Variants in SEPTIN7 observed in about 807,000 individuals in gnomAD.
SEPTIN7 encodes septin 7.
In SEPTIN7, 10 loss-of-function variants were observed where a neutral mutation model predicts 63.3. The ratio of observed to expected loss-of-function variants is 0.16; its 90% CI spans 0.10 to 0.27. The LOEUF (loss-of-function observed/expected upper bound fraction) is 0.27. Ranked by LOEUF, SEPTIN7 falls within the 10% of genes least tolerant of loss-of-function variation. SEPTIN7 has a pLI of 1.00. For missense variants in SEPTIN7, 310 were observed against 521.0 expected (o/e 0.59, Z 3.94); for synonymous variants, 131 against 165.3 (o/e 0.79, Z 1.59).
At chr7:35,835,379 T>C (rs6950063) in intron 3 of SEPTIN7, among the ~76,000 whole-genome samples, 2,146 of 152,330 alleles carry the variant, frequency 0.014, 57 homozygotes, top group African/African-American at 0.048. Context: ...TTCAGTACTT[T>C]ATGGGCATTA....
intron 7 of SEPTIN7, among the ~76,000 whole-genome samples, chr7:35,880,413 T>C (rs1192420119): frequency 6.6e-6 from 1 of 151,854 alleles, no homozygotes; most frequent in Non-Finnish European, 1.5e-5. Flanking sequence ...TTATTTTTAT[T>C]TTGAAAACTT....
intron 4 of SEPTIN7, among the ~76,000 whole-genome samples, chr7:35,869,032 T>A (rs962426958): frequency 2.0e-5 from 3 of 152,066 alleles, no homozygotes; most frequent in African/African-American, 7.2e-5. Context: ...GCAGGGAAAT[T>A]CTTGTTGAGG....
At chr7:35,834,044 A>G (rs142836045) in intron 3 of SEPTIN7, among the ~76,000 whole-genome samples, 58 of 152,122 alleles carry the variant, frequency 3.8e-4, no homozygotes, top group African/African-American at 1.2e-3. Flanking sequence ...CTAGCTTGCA[A>G]ACTGCTGCTG....
chr7:35,813,198 T>G (rs1239782456), intron 1 of SEPTIN7, among the ~76,000 whole-genome samples: 1 of 152,204 alleles, frequency 6.6e-6, no homozygotes, highest in Non-Finnish European at 1.5e-5. Context: ...CTTACCCGCC[T>G]GAACACAAAT....
At chr7:35,914,815 A>T in the SEPTIN7 span, among the ~76,000 whole-genome samples, 5 of 151,788 alleles carry the variant, frequency 3.3e-5, no homozygotes, top group Non-Finnish European at 7.4e-5. Context: ...TATGCATACA[A>T]GTATATAGAT....
chr7:35,839,271 A>C (rs1784283578), intron 3 of SEPTIN7, among the ~76,000 whole-genome samples: 1 of 152,196 alleles, frequency 6.6e-6, no homozygotes, highest in African/African-American at 2.4e-5. Flanking sequence ...AAGAGATAAT[A>C]ATCATTAATA....
At chr7:35,812,308 C>T (rs761411316) in intron 1 of SEPTIN7, among the ~76,000 whole-genome samples, 3 of 151,030 alleles carry the variant, frequency 2.0e-5, no homozygotes, top group Non-Finnish European at 4.4e-5. Context: ...ATAGGCCCCA[C>T]GTCCCTTCCC....
chr7:35,874,439 T>A (rs13232794), intron 6 of SEPTIN7, among the ~76,000 whole-genome samples: 2 of 151,880 alleles, frequency 1.3e-5, no homozygotes, highest in Non-Finnish European at 2.9e-5. Flanking sequence ...ATATATGTGT[T>A]ATTGACAACT....
At chr7:35,902,500 G>T (rs1788384775) in intron 12 of SEPTIN7, 1 of 152,138 alleles carries the variant, frequency 6.6e-6, no homozygotes, top group South Asian at 2.1e-4. Context: ...AACATCCCAG[G>T]TGATTTGCAT....
chr7:35,840,595 A>G (rs1307076002), intron 3 of SEPTIN7, among the ~76,000 whole-genome samples: 3 of 152,006 alleles, frequency 2.0e-5, no homozygotes, highest in East Asian at 3.9e-4. Context: ...TTGTTTTTTA[A>G]AAGTTTATGC....
At chr7:35,811,707 T>C (rs62452782) in intron 1 of SEPTIN7, among the ~76,000 whole-genome samples, 23,062 of 152,116 alleles carry the variant, frequency 0.15, 2,038 homozygotes, top group Middle Eastern at 0.23. Context: ...GCCAACATGG[T>C]GAAACCCTGT....
intron 6 of SEPTIN7, among the ~76,000 whole-genome samples, chr7:35,875,032 T>A (rs1428772962): frequency 1.3e-5 from 2 of 152,166 alleles, no homozygotes; most frequent in African/African-American, 2.4e-5. Context: ...ATAAAACTTG[T>A]CAGCTTATAA....
At chr7:35,829,651 C>T (rs924045932) in intron 1 of SEPTIN7, among the ~76,000 whole-genome samples, 3 of 152,198 alleles carry the variant, frequency 2.0e-5, no homozygotes, top group African/African-American at 4.8e-5. Flanking sequence ...GCAACTTGCT[C>T]TCAGTAGCTT....
chr7:35,879,758 G>A, intron 6 of SEPTIN7, 65 bp from the exon 7 acceptor site: 1 of 842,908 alleles, frequency 1.2e-6, no homozygotes, highest in Non-Finnish European at 2.0e-6. Flanking sequence ...CTAGCATTGG[G>A]GATGTGAAGA....
chr7:35,852,917 C>A (rs1785030095), intron 3 of SEPTIN7, among the ~76,000 whole-genome samples: 1 of 152,018 alleles, frequency 6.6e-6, no homozygotes, highest in African/African-American at 2.4e-5. Flanking sequence ...ATTATTGTAT[C>A]TTGTAAAATG....
rs1160775548 is a variant in SEPTIN7, at chr7:35,834,492, A to C, written c.169+1592A>C. Among the ~76,000 whole-genome samples, 3 of 152,114 alleles carry C rather than the reference A, an allele frequency of 2.0e-5. No homozygotes were observed. In the East Asian group the frequency reaches 5.8e-4, roughly 29 times the overall value. On this transcript the variant is annotated intron_variant, in intron 3 of 13. Coordinates refer to ENST00000350320, the MANE Select transcript of SEPTIN7 (RefSeq NM_001788.6). The stretch of plus-strand genomic sequence containing the variant: ...GCTTTTCTAATTAATCCCTTTGTGA[A>C]ATGCAGCTTTTCTTTTTTCTCTTCC...
At chr7:35,873,455 G>T (rs1396690567) in intron 5 of SEPTIN7, among the ~76,000 whole-genome samples, 186 bp from the exon 6 acceptor site, 2 of 151,876 alleles carry the variant, frequency 1.3e-5, no homozygotes, top group African/African-American at 4.8e-5. Context: ...CTTTCATTTG[G>T]AAAGTTTTGA....
At chr7:35,808,247 C>G (rs1283834896) in intron 1 of SEPTIN7, among the ~76,000 whole-genome samples, 1 of 152,128 alleles carries the variant, frequency 6.6e-6, no homozygotes, top group Admixed American at 6.6e-5. Context: ...TTTCCTAGTC[C>G]TCGGCATCCT....
At chr7:35,803,427 C>A (rs1483520650) in intron 1 of SEPTIN7, among the ~76,000 whole-genome samples, 2 of 152,192 alleles carry the variant, frequency 1.3e-5, no homozygotes, top group Non-Finnish European at 2.9e-5. Flanking sequence ...AGAAGAGTTA[C>A]ATCTATGGCT....
Sources: allele counts gnomAD v4.1 joint callset (sites outside exome capture counted in the v4.1 genomes callset), GRCh38; gene constraint gnomAD v4.1.1; transcripts MANE v1.5; gene names NCBI Gene and HGNC (gene_info 2026-07-23, HGNC 2026-07-21).